The following CFAP263 variants were observed in gnomAD, a reference collection of about 807,000 sequenced individuals.
CFAP263 encodes cilia and flagella associated protein 263, also known as cilia- and flagella-associated protein 263.
the CFAP263 span, chr16:58,267,624 C>G: frequency 3.8e-6 from 5 of 1,301,236 alleles, no homozygotes; most frequent in Admixed American, 1.7e-5. Flanking sequence ...TGATGTTTGT[C>G]TCCTTGTGTT....
chr16:58,266,399 ATATATATTTTTT>A, the CFAP263 span, among the ~76,000 whole-genome samples: 25 of 39,302 alleles, frequency 6.4e-4, no homozygotes, highest in South Asian at 2.9e-3. Context: ...ATATATATAT[ATATATATTTTTT>A]TTTTTTTTTT....
the CFAP263 span, among the ~76,000 whole-genome samples, chr16:58,256,844 G>A: frequency 6.6e-6 from 1 of 151,876 alleles, no homozygotes; most frequent in Non-Finnish European, 1.5e-5. Context: ...AGTAATATGT[G>A]TGTGTGTGTG....
the CFAP263 span, among the ~76,000 whole-genome samples, chr16:58,257,967 G>T: frequency 6.6e-6 from 1 of 152,024 alleles, no homozygotes; most frequent in Non-Finnish European, 1.5e-5. Flanking sequence ...AATTAGCCAG[G>T]CGTGGTGGCA....
chr16:58,255,322 T>C, the CFAP263 span, among the ~76,000 whole-genome samples: 3 of 152,156 alleles, frequency 2.0e-5, no homozygotes, highest in African/African-American at 4.8e-5. Context: ...CACAAGCTTC[T>C]TCCACCTGCT....
the CFAP263 span, chr16:58,258,628 GTT>G: frequency 1.9e-6 from 2 of 1,049,964 alleles, no homozygotes; most frequent in Non-Finnish European, 2.8e-6. Context: ...CACCATAAAT[GTT>G]GCCCACATAT....
chr16:58,279,740 A>G, the CFAP263 span: 4 of 1,613,350 alleles, frequency 2.5e-6, no homozygotes, highest in African/African-American at 1.3e-5. Context: ...AAAATAACCA[A>G]TGAGCAGTTG....
chr16:58,265,909 G>A, the CFAP263 span, among the ~76,000 whole-genome samples: 88,798 of 151,894 alleles, frequency 0.58, 27,029 homozygotes, highest in African/African-American at 0.75. Context: ...CTGCCCTGCC[G>A]CTCTAAGTTG....
At chr16:58,258,329 G>T in the CFAP263 span, 1 of 1,598,802 alleles carries the variant, frequency 6.3e-7, no homozygotes, top group Non-Finnish European at 8.5e-7. Context: ...CTTGAAGATT[G>T]CTGGAAACGT....
the CFAP263 span, among the ~76,000 whole-genome samples, chr16:58,256,174 C>T: frequency 6.6e-6 from 1 of 152,238 alleles, no homozygotes; most frequent in South Asian, 2.1e-4. Context: ...ATGCAACCGT[C>T]TGTATCACAT....
At chr16:58,276,518 C>A in the CFAP263 span, among the ~76,000 whole-genome samples, 2 of 152,152 alleles carry the variant, frequency 1.3e-5, no homozygotes, top group African/African-American at 4.8e-5. Flanking sequence ...CATCGCTGCC[C>A]TCTACCTACT....
the CFAP263 span, among the ~76,000 whole-genome samples, chr16:58,269,643 T>TGTA: frequency 6.6e-6 from 1 of 152,238 alleles, no homozygotes; most frequent in Non-Finnish European, 1.5e-5. Context: ...AAGGTTCACT[T>TGTA]GTATCATGTA....
At chr16:58,278,409 T>C in the CFAP263 span, 6 of 1,377,398 alleles carry the variant, frequency 4.4e-6, no homozygotes, top group African/African-American at 4.3e-5. Flanking sequence ...TGGGGAGAGA[T>C]GGCAGGGCCA....
At chr16:58,278,424 G>A in the CFAP263 span, 1 of 1,543,524 alleles carries the variant, frequency 6.5e-7, no homozygotes, top group Admixed American at 1.7e-5. Flanking sequence ...GGGCCAGTGA[G>A]TTCTCAAAGC....
the CFAP263 span, chr16:58,252,966 C>T: frequency 3.2e-5 from 33 of 1,034,328 alleles, no homozygotes; most frequent in South Asian, 4.4e-4. Flanking sequence ...ATGGGACCTT[C>T]TCCCTGTTTT....
At chr16:58,265,102 C>T in the CFAP263 span, among the ~76,000 whole-genome samples, 1 of 152,184 alleles carries the variant, frequency 6.6e-6, no homozygotes, top group African/African-American at 2.4e-5. Context: ...CTCCAGACTG[C>T]CTGTAAACTA....
chr16:58,258,261 CAT>C, the CFAP263 span: 450 of 895,954 alleles, frequency 5.0e-4, 3 homozygotes, highest in Non-Finnish European at 7.3e-5. Flanking sequence ...TAAGAAGAAA[CAT>C]AATATTTTGG....
At chr16:58,257,010 A>ATTTTTTTTTTTTTT in the CFAP263 span, among the ~76,000 whole-genome samples, 2 of 50,186 alleles carry the variant, frequency 4.0e-5, no homozygotes, top group African/African-American at 1.9e-4. Context: ...GCATATATGA[A>ATTTTTTTTTTTTTT]TTTCTTTTTT....
At chr16:58,263,579 C>A in the CFAP263 span, among the ~76,000 whole-genome samples, 1 of 152,192 alleles carries the variant, frequency 6.6e-6, no homozygotes, top group African/African-American at 2.4e-5. Flanking sequence ...CGCAGGTGGG[C>A]TTTGTTTGGC....
chr16:58,264,611 T>C, the CFAP263 span, among the ~76,000 whole-genome samples: 1 of 152,164 alleles, frequency 6.6e-6, no homozygotes, highest in Non-Finnish European at 1.5e-5. Context: ...GTCACCAGGA[T>C]GGTGCTCTGT....
Sources: allele counts gnomAD v4.1 joint callset (sites outside exome capture counted in the v4.1 genomes callset), GRCh38; gene constraint gnomAD v4.1.1; transcripts MANE v1.5; gene names NCBI Gene and HGNC (gene_info 2026-07-23, HGNC 2026-07-21).